Variants in PCNX2 observed in about 807,000 individuals in gnomAD.
The protein encoded by PCNX2 is pecanex-like protein 2.
In PCNX2, 168 loss-of-function variants were observed where a neutral mutation model predicts 223.8. The observed-to-expected ratio is 0.75, with a 90% CI of 0.66 to 0.85. The LOEUF (loss-of-function observed/expected upper bound fraction) is 0.85. PCNX2 is among the 40% of genes least tolerant of loss of function. The pLI, the probability that PCNX2 is intolerant of heterozygous loss-of-function variation, is 0.00. For synonymous variants in PCNX2, 1,006 were observed against 1,052.6 expected (o/e 0.96, Z 0.86); for missense variants, 2,507 against 2,675.5 (o/e 0.94, Z 1.39).
Position 233,252,771 on chromosome 1 carries a change from T to C in PCNX2, c.1852A>G (p.Lys618Glu). 2 of 1,611,124 alleles carry C rather than the reference T, an allele frequency of 1.2e-6. No homozygotes were observed. The highest frequency in any genetic ancestry group is 1.7e-6 in the Non-Finnish European group (2 of 1,179,370). Residue 618 changes from lysine to glutamate, a missense_variant, in exon 6 of 34, where the codon AAA becomes GAA. Lys to Glu is a moderately conservative substitution (Grantham distance 56). This residue lies in a region of PCNX2 where 1,031 missense variants were observed against 1,021.7 expected (regional missense o/e 1.01). Transcript: ENST00000258229. ...GLLRDNCSQEKKEEILENEKP... is the reference protein window; with the variant it reads ...GLLRDNCSQEEKEEILENEKP... ...TCATTTTCCAGGATTTCCTCCTTTTTTTCCTGGGAACAGTTATCTGAAAAA... is the reference window on the plus strand; with the variant it reads ...TCATTTTCCAGGATTTCCTCCTTTTCTTCCTGGGAACAGTTATCTGAAAAA...
In PCNX2 at chr1:232,990,619, A is replaced by G. The variant is rs1669662831; in HGVS notation, c.5792-4079T>C. Among the ~76,000 whole-genome samples the G allele has an allele frequency of 6.6e-6, 1 of 152,028 alleles. No individual in the cohort carries two copies. The highest frequency in any genetic ancestry group is 6.5e-5 in the Admixed American group (1 of 15,274). ...GGGTAACCATCCACTCATTCGTCCA[A>G]CCTTTGTCTGCTGAGCCCAGATCAT... On this transcript the variant is annotated intron_variant, in intron 32 of 33. Coordinates refer to ENST00000258229, the MANE Select transcript of PCNX2 (RefSeq NM_014801.4). This position sits in a 1 kb window ranked among gnomAD's most constrained non-coding sequence, Gnocchi z 4.3.
intron 25 of PCNX2, among the ~76,000 whole-genome samples, chr1:233,038,271 G>A (rs750644385): frequency 5.9e-5 from 9 of 152,264 alleles, no homozygotes; most frequent in Non-Finnish European, 8.8e-5. Context: ...GATAGTTATC[G>A]CTGTGAGTGA....
At chr1:233,307,455 C>T in the PCNX2 span, among the ~76,000 whole-genome samples, 3 of 152,230 alleles carry the variant, frequency 2.0e-5, no homozygotes, top group Admixed American at 6.5e-5. Context: ...TGAGTGGAAG[C>T]AGCCTGAAGC....
intron 25 of PCNX2, among the ~76,000 whole-genome samples, chr1:233,029,308 A>T (rs942555876): frequency 3.9e-5 from 6 of 152,190 alleles, no homozygotes; most frequent in Non-Finnish European, 8.8e-5. Flanking sequence ...CCAATGATAT[A>T]AGACATTACA....
intron 1 of PCNX2, among the ~76,000 whole-genome samples, chr1:233,284,843 C>T (rs1269227537): frequency 6.6e-6 from 1 of 152,050 alleles, no homozygotes; most frequent in Non-Finnish European, 1.5e-5. Context: ...AAGCAGGAGC[C>T]TCCAGAGCCA....
chr1:233,038,830 T>C (rs1671545625), intron 25 of PCNX2, among the ~76,000 whole-genome samples: 1 of 152,232 alleles, frequency 6.6e-6, no homozygotes, highest in African/African-American at 2.4e-5. Context: ...TTTTTAAATG[T>C]CCCCACAGGC....
chr1:233,240,005 A>G (rs1348240931), intron 8 of PCNX2, among the ~76,000 whole-genome samples: 1 of 152,192 alleles, frequency 6.6e-6, no homozygotes, highest in Non-Finnish European at 1.5e-5. Context: ...TTCTCTTCTG[A>G]GCTTAATGAC....
chr1:233,212,014 G>T (rs1681846976), intron 12 of PCNX2, among the ~76,000 whole-genome samples: 1 of 152,172 alleles, frequency 6.6e-6, no homozygotes, highest in South Asian at 2.1e-4. Context: ...TGCAACAAGG[G>T]TTTGCTGTGT....
At chr1:233,251,839 A>G (rs1286506755) in intron 7 of PCNX2, among the ~76,000 whole-genome samples, 1 of 152,248 alleles carries the variant, frequency 6.6e-6, no homozygotes, top group East Asian at 1.9e-4. Flanking sequence ...TGAACTTGCC[A>G]CTTTATAATT....
chr1:233,259,442 G>C (rs1572166323), intron 4 of PCNX2, 98 bp from the exon 5 acceptor site: 2 of 1,398,742 alleles, frequency 1.4e-6, no homozygotes, highest in Non-Finnish European at 1.9e-6. Flanking sequence ...AACAGCACCA[G>C]CAACTAATGG....
chr1:233,129,588 C>G (rs1676331749), intron 21 of PCNX2, among the ~76,000 whole-genome samples: 1 of 152,228 alleles, frequency 6.6e-6, no homozygotes, highest in South Asian at 2.1e-4. Context: ...GCTCCTGAGT[C>G]TAGTGGGGAC....
In PCNX2 at chr1:232,984,213, T is replaced by G. The variant is rs1310740541; in HGVS notation, c.*91A>C. On this transcript the variant is annotated 3_prime_UTR_variant, in exon 34 of 34. Coordinates refer to ENST00000258229, the MANE Select transcript of PCNX2 (RefSeq NM_014801.4). The stretch of plus-strand genomic sequence containing the variant: ...AGGAGTCCCTCATGGATCGCGGTAT[T>G]GGTTGGTTGTGGTGATTTGGGGAGC... 36 of 1,289,138 alleles carry G rather than the reference T, an allele frequency of 2.8e-5. No individual in the cohort carries two copies. The highest frequency in any genetic ancestry group is 3.6e-5 in the Non-Finnish European group (35 of 981,714). The allele number at this position is 1,289,138 out of a possible 1,614,324, so 79.9% of individuals were successfully genotyped here.
intron 23 of PCNX2, chr1:233,089,776 G>A (rs947274538): frequency 1.2e-6 from 1 of 843,632 alleles, no homozygotes; most frequent in South Asian, 2.9e-5. Context: ...CTTCCCCTAG[G>A]TCACCTACGA....
chr1:233,221,247 G>T (rs1657361143), intron 10 of PCNX2, among the ~76,000 whole-genome samples: 1 of 151,814 alleles, frequency 6.6e-6, no homozygotes, highest in South Asian at 2.1e-4. Context: ...GAAATTGTGG[G>T]TATCTTTTAT....
At chr1:233,070,232 C>A (rs888701037) in intron 23 of PCNX2, among the ~76,000 whole-genome samples, 3 of 152,036 alleles carry the variant, frequency 2.0e-5, no homozygotes, top group African/African-American at 7.2e-5. Flanking sequence ...GAAACTCCCC[C>A]CAAAATGAAT....
In PCNX2 at chr1:233,295,710, G is replaced by A; in HGVS notation, c.-232C>T. 1 of 405,038 alleles carries A rather than the reference G, an allele frequency of 2.5e-6. No homozygotes were observed. The highest frequency in any genetic ancestry group is 4.2e-6 in the Non-Finnish European group (1 of 239,344). 25.1% of individuals were successfully genotyped at this position (405,038 alleles called of 1,614,324 possible). On this transcript the variant is annotated 5_prime_UTR_variant, in exon 1 of 34. Transcript: ENST00000258229. This position sits in a 1 kb window ranked among gnomAD's most constrained non-coding sequence, Gnocchi z 4.1. ...GGCTGCTGCGGCCGGGCAGGTGAGCGCCATGTCCGAGGGAGGAAGGATTTT... is the reference window on the plus strand; with the variant it reads ...GGCTGCTGCGGCCGGGCAGGTGAGCACCATGTCCGAGGGAGGAAGGATTTT...
chr1:233,096,431 G>A (rs746896843), intron 21 of PCNX2, among the ~76,000 whole-genome samples: 5 of 152,152 alleles, frequency 3.3e-5, no homozygotes, highest in Admixed American at 6.5e-5. Context: ...CCTCACATAC[G>A]GTGAACAGTT....
chr1:232,987,104 TTACAGGCCCGCAAC>T (rs1669519122), intron 32 of PCNX2, among the ~76,000 whole-genome samples: 1 of 152,222 alleles, frequency 6.6e-6, no homozygotes, highest in Admixed American at 6.5e-5. Context: ...TAGCTTTCCC[TTACAGGCCCGCAAC>T]TACTGGCCAG....
intron 19 of PCNX2, among the ~76,000 whole-genome samples, chr1:233,158,700 G>C (rs1210791229): frequency 6.6e-6 from 1 of 152,150 alleles, no homozygotes; most frequent in Non-Finnish European, 1.5e-5. Context: ...TATAGATATA[G>C]ATATGCAGTT....
Sources: allele counts gnomAD v4.1 joint callset (sites outside exome capture counted in the v4.1 genomes callset), GRCh38; gene constraint gnomAD v4.1.1; regional missense constraint gnomAD v4.1.1; non-coding constraint Gnocchi (gnomAD v3.1); transcripts MANE v1.5; gene names NCBI Gene and HGNC (gene_info 2026-07-23, HGNC 2026-07-21).